Variants in OVCH1 observed in about 807,000 individuals in gnomAD.
OVCH1 encodes the protein ovochymase-1.
Under a neutral mutation model 138.4 loss-of-function variants are expected in OVCH1, and 139 were observed. That is an observed-to-expected ratio of 1.00 (90% confidence interval 0.87 to 1.16). OVCH1 has a LOEUF of 1.16. Ranked by LOEUF, OVCH1 falls within the 50% of genes most tolerant of loss-of-function variation. The probability of loss-of-function intolerance (pLI) is 0.00; values close to 1 mark genes in which losing one functional copy is unlikely to be tolerated. For synonymous variants in OVCH1, 453 were observed against 467.8 expected, an observed-to-expected ratio of 0.97 and a Z score of 0.41; for missense variants, 1,367 against 1,357.9, an observed-to-expected ratio of 1.01 and a Z score of -0.11.
intron 4 of OVCH1, among the ~76,000 whole-genome samples, chr12:29,494,781 A>C (rs1266433779): frequency 1.3e-5 from 2 of 152,134 alleles, no homozygotes; most frequent in Non-Finnish European, 2.9e-5. Flanking sequence ...ATGAAGATAG[A>C]GGGTAAACCT....
In OVCH1 at chr12:29,476,315, CAT is replaced by C; in HGVS notation, c.1378-18_1378-17del. The C allele has an allele frequency of 1.3e-6, 2 of 1,585,330 alleles. No homozygotes were observed. The highest frequency in any genetic ancestry group is 1.7e-6 in the Non-Finnish European group (2 of 1,154,106). On this transcript the variant is annotated splice_polypyrimidine_tract_variant and intron_variant, in intron 12 of 27. Coordinates refer to ENST00000318184, the Ensembl canonical transcript of OVCH1. ...CAAATGTCAACTGTGCAAATGGAAA[CAT>C]AACCAGGGAAATGGTCAAAGAAGAG... is the stretch of plus-strand genomic sequence containing the variant.
chr12:29,416,562 TACCATTA>T (rs977826165), intron 3 of OVCH1, among the ~76,000 whole-genome samples: 1 of 152,150 alleles, frequency 6.6e-6, no homozygotes, highest in African/African-American at 2.4e-5. Flanking sequence ...CATTGTTAGA[TACCATTA>T]GCCATTAGGC....
intron 3 of OVCH1, among the ~76,000 whole-genome samples, chr12:29,418,347 T>C (rs568910933): frequency 3.0e-4 from 46 of 152,336 alleles, no homozygotes; most frequent in Non-Finnish European, 5.7e-4. Flanking sequence ...TCCTAAGTAT[T>C]TGGAGTAACT....
chr12:29,440,789 G>A (rs928626431), intron 25 of OVCH1, 45 bp from the exon 26 acceptor site: 1 of 453,932 alleles, frequency 2.2e-6, no homozygotes, highest in African/African-American at 2.0e-5. Flanking sequence ...CTTCTAGGAT[G>A]GTATTGTAAA....
At chr12:29,477,121 G>C (rs745879440) in exon 12 of OVCH1, 1 of 1,610,810 alleles carries the variant, frequency 6.2e-7, no homozygotes, top group South Asian at 1.1e-5. Context: ...GTGCTTCTCT[G>C]GAGCACAAAT....
chr12:29,459,404 T>C (rs1240119961), intron 19 of OVCH1, among the ~76,000 whole-genome samples: 1 of 152,160 alleles, frequency 6.6e-6, no homozygotes, highest in Non-Finnish European at 1.5e-5. Flanking sequence ...ACTTCACCTG[T>C]TCTCATTTAT....
downstream of OVCH1, chr12:29,423,420 G>A (rs928022328): frequency 4.2e-5 from 16 of 380,654 alleles, no homozygotes; most frequent in Admixed American, 5.1e-4. Flanking sequence ...ATGATTGTCA[G>A]GAATACAAGA....
chr12:29,474,985 T>C (rs960826457), intron 14 of OVCH1, 76 bp downstream of exon 14: 13 of 1,468,946 alleles, frequency 8.8e-6, no homozygotes, highest in Admixed American at 2.3e-5. Context: ...TACATTGAGG[T>C]AAACATGGCT....
rs1329815520 is a variant in OVCH1, at chr12:29,496,290, G to A, written c.184-12C>T. 2 of 1,581,172 alleles carry A rather than the reference G, an allele frequency of 1.3e-6. No individual in the cohort carries two copies. Among genetic ancestry groups the A allele is most frequent in the Admixed American group, 3.6e-5 (2 of 56,200 alleles). The stretch of plus-strand genomic sequence containing the variant: ...GATTTTAGGGAGACCTACCCAAGAA[G>A]AAAGTTACAAATGCAGCTAATATGT... On this transcript the variant is annotated splice_polypyrimidine_tract_variant and intron_variant, in intron 2 of 27. Transcript: ENST00000318184.
At chr12:29,408,869 T>C (rs1421721530), downstream of OVCH1, among the ~76,000 whole-genome samples, 1 of 152,160 alleles carries the variant, frequency 6.6e-6, no homozygotes, top group Admixed American at 6.5e-5. Flanking sequence ...ATTGGAATAG[T>C]TTCAGAAGGA....
At chr12:29,495,197 G>C in intron 4 of OVCH1, 88 bp downstream of exon 4, 2 of 1,245,118 alleles carry the variant, frequency 1.6e-6, no homozygotes, top group South Asian at 3.0e-5. Context: ...TCTATTACTA[G>C]ACAGCCACAC....
intron 27 of OVCH1, among the ~76,000 whole-genome samples, chr12:29,432,027 C>G: frequency 6.6e-6 from 1 of 152,176 alleles, no homozygotes; most frequent in Non-Finnish European, 1.5e-5. Context: ...GTACTATTTA[C>G]CACGCATAGT....
chr12:29,435,811 C>A (rs891918521), intron 26 of OVCH1, among the ~76,000 whole-genome samples: 1 of 152,174 alleles, frequency 6.6e-6, no homozygotes, highest in African/African-American at 2.4e-5. Flanking sequence ...TCATGAAGCT[C>A]CCTGTAACTG....
At chr12:29,443,329 A>T (rs754290898) in intron 25 of OVCH1, 32 bp downstream of exon 25, 1 of 1,596,480 alleles carries the variant, frequency 6.3e-7, no homozygotes, top group East Asian at 2.2e-5. Context: ...GAGAAAAATC[A>T]GTAGCATAGA....
chr12:29,474,487 G>A (rs1286082482), intron 14 of OVCH1, among the ~76,000 whole-genome samples: 2 of 152,154 alleles, frequency 1.3e-5, no homozygotes, highest in African/African-American at 2.4e-5. Context: ...GTAATCAAAA[G>A]TTAGCTAGCT....
At chr12:29,404,383 G>A in the OVCH1 span, among the ~76,000 whole-genome samples, 1 of 152,256 alleles carries the variant, frequency 6.6e-6, no homozygotes, top group East Asian at 1.9e-4. Context: ...ATTCCTGGCC[G>A]ACATTAACCC....
chr12:29,413,818 A>C (rs1457895289), intron 3 of OVCH1, among the ~76,000 whole-genome samples: 2 of 152,160 alleles, frequency 1.3e-5, no homozygotes, highest in Non-Finnish European at 2.9e-5. Context: ...GTTCTTAAAA[A>C]AATTGTATAA....
chr12:29,472,278 G>T (rs1383580387), intron 15 of OVCH1, among the ~76,000 whole-genome samples: 3 of 152,082 alleles, frequency 2.0e-5, no homozygotes, highest in Non-Finnish European at 4.4e-5. Flanking sequence ...ATATATTATT[G>T]GTGGAATAGA....
intron 19 of OVCH1, among the ~76,000 whole-genome samples, chr12:29,457,875 G>A (rs528362058): frequency 2.4e-4 from 36 of 152,300 alleles, no homozygotes; most frequent in African/African-American, 7.9e-4. Flanking sequence ...GCATGTATGT[G>A]TATACAGTTT....
Sources: gnomAD v4.1 joint callset for allele counts (sites outside exome capture counted in the v4.1 genomes callset) on GRCh38, gnomAD v4.1.1 for gene constraint, MANE v1.5 for transcripts, NCBI Gene and HGNC (gene_info 2026-07-23, HGNC 2026-07-21) for gene names.